Variants in SLC44A1 observed in about 807,000 individuals in gnomAD.
SLC44A1 encodes the protein solute carrier family 44 member 1.
SLC44A1 carries 26 observed loss-of-function variants against 79.3 expected under a neutral mutation model. The observed-to-expected ratio is 0.33, with a 90% CI of 0.24 to 0.46. The LOEUF (loss-of-function observed/expected upper bound fraction) is 0.46. Among genes scored for constraint, SLC44A1 ranks in the 20% least tolerant of loss-of-function variants. SLC44A1 has a pLI of 1.00. For synonymous variants in SLC44A1, 263 were observed against 286.2 expected, an observed-to-expected ratio of 0.92 and a Z score of 0.82; for missense variants, 688 against 798.1, an observed-to-expected ratio of 0.86 and a Z score of 1.66.
At chr9:105,291,653 T>C (rs1830603940) in intron 1 of SLC44A1, among the ~76,000 whole-genome samples, 1 of 152,204 alleles carries the variant, frequency 6.6e-6, no homozygotes, top group Admixed American at 6.5e-5. Flanking sequence ...TGAGAGTACA[T>C]CTTAGCTTGC....
intron 3 of SLC44A1, among the ~76,000 whole-genome samples, chr9:105,331,248 G>C (rs890491872): frequency 1.3e-5 from 2 of 152,314 alleles, no homozygotes; most frequent in Admixed American, 1.3e-4. Context: ...GCATAGGGAA[G>C]GGGGAGGTAT....
chr9:105,389,574 A>T lies in SLC44A1; in HGVS notation c.*518A>T. On this transcript the variant is annotated 3_prime_UTR_variant, in exon 16 of 16. Transcript: ENST00000374720. ...GGAATTACTCCAATCAGTTTTCCCC[A>T]ATCAAAGAAGCCATGTCATTTTACT... 8.9e-7 allele frequency: 1 copy of T among 1,117,910 alleles called. No homozygotes were observed. The allele number at this position is 1,117,910 out of a possible 1,614,324, so 69.2% of individuals were successfully genotyped here. A position where few individuals can be genotyped will look rare whatever the true frequency, so the allele number is the denominator to read the frequency against.
chr9:105,407,690 G>T (rs1369280946), intron 15 of SLC44A1, among the ~76,000 whole-genome samples: 1 of 148,560 alleles, frequency 6.7e-6, no homozygotes, highest in East Asian at 2.0e-4. Context: ...GCCAACATGA[G>T]GAAGCCTTGT....
chr9:105,290,404 T>A (rs1243526894), intron 1 of SLC44A1, among the ~76,000 whole-genome samples: 1 of 152,178 alleles, frequency 6.6e-6, no homozygotes. Context: ...TTTAAAAAAA[T>A]TAAATAGTAA....
At chr9:105,311,955 C>T (rs186187377) in intron 3 of SLC44A1, among the ~76,000 whole-genome samples, 45 of 152,246 alleles carry the variant, frequency 3.0e-4, no homozygotes, top group Admixed American at 2.6e-4. Flanking sequence ...TTCCTTTACA[C>T]TTATTTCCTC....
intron 15 of SLC44A1, among the ~76,000 whole-genome samples, chr9:105,427,138 A>G (rs925388248): frequency 5.3e-5 from 8 of 152,110 alleles, no homozygotes; most frequent in Non-Finnish European, 5.9e-5. Context: ...TCACCATGTT[A>G]GCCAGGCTAG....
chr9:105,377,777 A>G (rs1403043031), intron 13 of SLC44A1, among the ~76,000 whole-genome samples: 4 of 151,872 alleles, frequency 2.6e-5, no homozygotes, highest in African/African-American at 9.7e-5. Flanking sequence ...AAAAAAAGAG[A>G]AGAATATAAA....
chr9:105,341,690 G>T (rs1827097462), intron 4 of SLC44A1, among the ~76,000 whole-genome samples: 2 of 152,130 alleles, frequency 1.3e-5, no homozygotes, highest in South Asian at 4.1e-4. Context: ...AGAATGATGG[G>T]CTGGATTTCC....
At chr9:105,413,990 T>TA (rs111839703) in intron 15 of SLC44A1, among the ~76,000 whole-genome samples, 11,850 of 145,136 alleles carry the variant, frequency 0.082, 648 homozygotes, top group African/African-American at 0.16. Context: ...GTCAGAAAGT[T>TA]AAAAAAAAAA....
intron 2 of SLC44A1, among the ~76,000 whole-genome samples, chr9:105,305,843 CTTTT>C (rs748755778): frequency 3.5e-5 from 3 of 84,970 alleles, no homozygotes; most frequent in Admixed American, 1.3e-4. Flanking sequence ...AAAGTGTGTC[CTTTT>C]TTTTTTTTTT....
At chr9:105,403,016 C>T (rs1176954897) in intron 15 of SLC44A1, among the ~76,000 whole-genome samples, 3 of 129,192 alleles carry the variant, frequency 2.3e-5, no homozygotes, top group South Asian at 2.6e-4. Flanking sequence ...GGCAGGGTCT[C>T]GCTTTGTTGC....
At chr9:105,304,944 GTTTTTTTTTTTTTTTTTTTTTTT>G (rs10589897) in intron 2 of SLC44A1, among the ~76,000 whole-genome samples, 3 of 20,078 alleles carry the variant, frequency 1.5e-4, no homozygotes, top group African/African-American at 2.7e-4. Context: ...ACTTTCTATC[GTTTTTTTTTTTTTTTTTTTTTTT>G]TTTTTTTTTT....
intron 4 of SLC44A1, among the ~76,000 whole-genome samples, chr9:105,337,002 T>C (rs760211280): frequency 1.3e-5 from 2 of 152,226 alleles, no homozygotes; most frequent in Non-Finnish European, 2.9e-5. Flanking sequence ...TGAAGAATAC[T>C]GGACACTTGG....
intron 2 of SLC44A1, among the ~76,000 whole-genome samples, chr9:105,299,535 C>G (rs538586995): frequency 6.6e-6 from 1 of 152,202 alleles, no homozygotes; most frequent in African/African-American, 2.4e-5. Flanking sequence ...AATCATTTGA[C>G]GTAAGTCTCT....
At chr9:105,319,351 G>C (rs1826311420) in intron 3 of SLC44A1, among the ~76,000 whole-genome samples, 1 of 152,224 alleles carries the variant, frequency 6.6e-6, no homozygotes, top group Non-Finnish European at 1.5e-5. Context: ...GCATGGGGCA[G>C]AGCTTCCATT....
chr9:105,366,474 G>C (rs1827946361), intron 12 of SLC44A1, 45 bp downstream of exon 12: 2 of 861,682 alleles, frequency 2.3e-6, no homozygotes, highest in Non-Finnish European at 1.7e-6. Context: ...TTCAAAGATA[G>C]GTTCATTGTT....
chr9:105,384,860 TCTGGTTGATACACC>T (rs1446932303), intron 14 of SLC44A1, among the ~76,000 whole-genome samples: 1 of 152,216 alleles, frequency 6.6e-6, no homozygotes, highest in Non-Finnish European at 1.5e-5. Flanking sequence ...AACCATAGGT[TCTGGTTGATACACC>T]CTGTCTTCCT....
At chr9:105,386,928 A>G (rs1029980437) in intron 15 of SLC44A1, among the ~76,000 whole-genome samples, 1 of 146,552 alleles carries the variant, frequency 6.8e-6, no homozygotes, top group African/African-American at 2.5e-5. Flanking sequence ...AATCCGAGTT[A>G]CTTGGGAGGC....
At position 105,394,097 on chromosome 9, in the gene SLC44A1, T is replaced by C. The variant is rs1828823551; in HGVS notation, c.*5041T>C. On this transcript the variant is annotated 3_prime_UTR_variant, in exon 16 of 16. Coordinates refer to ENST00000374720, the MANE Select transcript of SLC44A1 (RefSeq NM_080546.5). Reference sequence around the variant, plus strand: ...TGTCTGTGAACACTCAAAATGCTCATAGAATTTCAGGGCCCTCAGACGGCC... The same window carrying C: ...TGTCTGTGAACACTCAAAATGCTCACAGAATTTCAGGGCCCTCAGACGGCC... The C allele has an allele frequency of 2.0e-6, 2 of 985,396 alleles. No homozygotes were observed. The highest frequency in any genetic ancestry group is 3.5e-5 in the African/African-American group (2 of 57,358). 61.0% of individuals were successfully genotyped at this position (985,396 alleles called of 1,614,324 possible). A position where few individuals can be genotyped will look rare whatever the true frequency, so the allele number is the denominator to read the frequency against.
Sources: allele counts gnomAD v4.1 joint callset (sites outside exome capture counted in the v4.1 genomes callset), GRCh38; gene constraint gnomAD v4.1.1; transcripts MANE v1.5; gene names NCBI Gene and HGNC (gene_info 2026-07-23, HGNC 2026-07-21).